The following CDH2 variants were observed in gnomAD, a reference collection of about 807,000 sequenced individuals.
CDH2 encodes the protein cadherin 2, also known as cadherin-2.
In CDH2, 17 loss-of-function variants were observed where a neutral mutation model predicts 92.0. The ratio of observed to expected loss-of-function variants is 0.18; its 90% CI spans 0.13 to 0.28. The LOEUF (loss-of-function observed/expected upper bound fraction) is 0.28. Among genes scored for constraint, CDH2 ranks in the 10% least tolerant of loss-of-function variants. CDH2 has a pLI of 1.00. For synonymous variants in CDH2, 419 were observed against 415.9 expected (o/e 1.01, Z -0.09); for missense variants, 862 against 1,133.1 (o/e 0.76, Z 3.44).
chr18:28,073,135 T>C (rs1242315339), intron 2 of CDH2, among the ~76,000 whole-genome samples: 1 of 152,130 alleles, frequency 6.6e-6, no homozygotes, highest in African/African-American at 2.4e-5. Context: ...TGCCAGTAAT[T>C]TGGATTACAT....
At position 28,111,937 on chromosome 18, in the gene CDH2, C is replaced by T. The variant is rs2015419986; in HGVS notation, c.172+35736G>A. ...AAAATTTTAAACTAACAAACTTTTACAAGTATACCCTCATTTTTTATAGAT... is the reference window on the plus strand; with the variant it reads ...AAAATTTTAAACTAACAAACTTTTATAAGTATACCCTCATTTTTTATAGAT... On this transcript the variant is annotated intron_variant, in intron 2 of 15. Coordinates refer to ENST00000269141, the MANE Select transcript of CDH2 (RefSeq NM_001792.5). 3.9e-5 allele frequency among the ~76,000 whole-genome samples: 6 copies of T among 152,096 alleles called. No individual in the cohort carries two copies. The South Asian group carries it at 1.0e-3, about 26-fold the overall frequency.
At chr18:27,950,435 T>C (rs139472307), downstream of CDH2, among the ~76,000 whole-genome samples, 4 of 152,240 alleles carry the variant, frequency 2.6e-5, no homozygotes, top group East Asian at 7.7e-4. Context: ...ACCATTACTA[T>C]ATCAAACTGA....
chr18:28,069,874 T>C (rs1025839001), intron 2 of CDH2, among the ~76,000 whole-genome samples: 1 of 152,098 alleles, frequency 6.6e-6, no homozygotes, highest in African/African-American at 2.4e-5. Flanking sequence ...CCCCTCAAGG[T>C]ACCATTTCCC....
At chr18:28,163,345 C>A (rs1206339301) in intron 1 of CDH2, among the ~76,000 whole-genome samples, 1 of 152,226 alleles carries the variant, frequency 6.6e-6, no homozygotes, top group Non-Finnish European at 1.5e-5. Context: ...TGCAATCTAG[C>A]AATTCTACTC....
chr18:28,031,557 C>T (rs778776713), intron 2 of CDH2, among the ~76,000 whole-genome samples: 2 of 151,870 alleles, frequency 1.3e-5, no homozygotes, highest in African/African-American at 2.4e-5. Context: ...TCCTCTTCTC[C>T]TAGCTCACTG....
At chr18:27,954,243 C>T (rs1462439543) in intron 15 of CDH2, among the ~76,000 whole-genome samples, 3 of 152,182 alleles carry the variant, frequency 2.0e-5, no homozygotes, top group African/African-American at 7.2e-5. Context: ...AGAACCACAA[C>T]CTACAATTTC....
chr18:28,159,853 C>T (rs1275595649), intron 1 of CDH2, among the ~76,000 whole-genome samples: 4 of 152,098 alleles, frequency 2.6e-5, no homozygotes, highest in South Asian at 2.1e-4. Flanking sequence ...GACAGGGTTT[C>T]GCCATGTTGG....
At chr18:28,094,807 A>AG (rs983571677) in intron 2 of CDH2, among the ~76,000 whole-genome samples, 2 of 150,640 alleles carry the variant, frequency 1.3e-5, no homozygotes, top group African/African-American at 4.9e-5. Flanking sequence ...AAAAAAAAAA[A>AG]AAAAAAAATT....
chr18:28,030,771 T>G (rs934522557), intron 2 of CDH2, among the ~76,000 whole-genome samples: 1 of 151,986 alleles, frequency 6.6e-6, no homozygotes, highest in Admixed American at 6.6e-5. Context: ...ATCTTATTCA[T>G]AGTGAGCCTG....
intron 2 of CDH2, among the ~76,000 whole-genome samples, chr18:28,126,420 T>C (rs2015678575): frequency 6.6e-6 from 1 of 152,182 alleles, no homozygotes; most frequent in East Asian, 1.9e-4. Flanking sequence ...ATTGGGTGCT[T>C]GTGCAAACTC....
At chr18:27,994,181 A>G in intron 7 of CDH2, among the ~76,000 whole-genome samples, 1 of 152,236 alleles carries the variant, frequency 6.6e-6, no homozygotes, top group Non-Finnish European at 1.5e-5. Context: ...TCAAAACCAT[A>G]TAGAAGAGAT....
chr18:28,102,749 GA>G (rs2015247223), intron 2 of CDH2, among the ~76,000 whole-genome samples: 1 of 152,024 alleles, frequency 6.6e-6, no homozygotes, highest in African/African-American at 2.4e-5. Context: ...TTTGTGGGAG[GA>G]AAGGTGGCAA....
At chr18:28,172,073 T>TGG (rs1032391291) in intron 1 of CDH2, among the ~76,000 whole-genome samples, 11 of 145,390 alleles carry the variant, frequency 7.6e-5, no homozygotes, top group African/African-American at 2.2e-4. Flanking sequence ...AACATACATT[T>TGG]GGGGTGTGTG....
intron 15 of CDH2, among the ~76,000 whole-genome samples, chr18:27,960,271 T>C (rs527721300): frequency 1.6e-4 from 24 of 152,274 alleles, no homozygotes; most frequent in Admixed American, 5.9e-4. Context: ...TGCCAGTGGA[T>C]GGTGTCTAAC....
intron 2 of CDH2, among the ~76,000 whole-genome samples, chr18:28,039,190 C>G (rs1443589130): frequency 6.6e-6 from 1 of 152,100 alleles, no homozygotes; most frequent in East Asian, 1.9e-4. Context: ...TGGAAGCTAG[C>G]AAGTCCATAA....
chr18:27,946,220 T>C (rs1175634110), downstream of CDH2, among the ~76,000 whole-genome samples: 2 of 152,048 alleles, frequency 1.3e-5, no homozygotes, highest in East Asian at 1.9e-4. Context: ...AACAAATTAA[T>C]AGGCTTGGAG....
chr18:28,172,084 T>C (rs1408605171), intron 1 of CDH2, among the ~76,000 whole-genome samples: 1 of 151,606 alleles, frequency 6.6e-6, no homozygotes, highest in African/African-American at 2.4e-5. Flanking sequence ...GGGGTGTGTG[T>C]GTGTGTGTGT....
chr18:28,168,913 G>C (rs891723572), intron 1 of CDH2, among the ~76,000 whole-genome samples: 7 of 152,078 alleles, frequency 4.6e-5, no homozygotes, highest in African/African-American at 1.7e-4. Context: ...GTCTGATAAA[G>C]GGAGAAACCC....
At chr18:28,045,276 C>T in intron 2 of CDH2, 1 of 349,570 alleles carries the variant, frequency 2.9e-6, no homozygotes, top group Non-Finnish European at 5.6e-6. Context: ...AGCTTCCTAA[C>T]TGAGCTAGTT....
Sources: gnomAD v4.1 joint callset for allele counts (sites outside exome capture counted in the v4.1 genomes callset) on GRCh38, gnomAD v4.1.1 for gene constraint, MANE v1.5 for transcripts, NCBI Gene and HGNC (gene_info 2026-07-23, HGNC 2026-07-21) for gene names.